SYN3: variants seen among roughly 807,000 people sequenced by gnomAD.
SYN3 encodes the protein synapsin-3.
A neutral mutation model predicts 65.8 loss-of-function variants in SYN3; 35 were observed. The ratio of observed to expected loss-of-function variants is 0.53; its 90% CI spans 0.41 to 0.70. The LOEUF is 0.70. Ranked by LOEUF, SYN3 falls within the 30% of genes least tolerant of loss-of-function variation. SYN3 has a pLI of 0.00. For synonymous variants in SYN3, 270 were observed against 292.9 expected, an observed-to-expected ratio of 0.92 and a Z score of 0.80; for missense variants, 680 against 749.0, an observed-to-expected ratio of 0.91 and a Z score of 1.08.
intron 13 of SYN3, among the ~76,000 whole-genome samples, chr22:32,515,279 T>C (rs1432084521): frequency 6.6e-6 from 1 of 152,236 alleles, no homozygotes; most frequent in African/African-American, 2.4e-5. Context: ...TTGGCTGATC[T>C]CCTTATGTGG....
chr22:32,965,183 A>G (rs1188499909), intron 3 of SYN3, among the ~76,000 whole-genome samples: 1 of 152,220 alleles, frequency 6.6e-6, no homozygotes, highest in Non-Finnish European at 1.5e-5. Context: ...TAAACTGCTT[A>G]GAGGATGGCT....
chr22:32,889,940 T>C (rs996582033), intron 4 of SYN3, among the ~76,000 whole-genome samples: 2 of 151,980 alleles, frequency 1.3e-5, no homozygotes, highest in African/African-American at 2.4e-5. Flanking sequence ...TCCATGTTTA[T>C]CAATACTTTA....
At chr22:32,651,823 T>A (rs994760557) in intron 6 of SYN3, among the ~76,000 whole-genome samples, 2 of 152,132 alleles carry the variant, frequency 1.3e-5, no homozygotes, top group Non-Finnish European at 2.9e-5. Flanking sequence ...TTCCTCCTCC[T>A]CACTTGGGCT....
intron 3 of SYN3, among the ~76,000 whole-genome samples, chr22:32,942,191 C>T (rs1035329873): frequency 1.3e-5 from 2 of 152,164 alleles, no homozygotes; most frequent in African/African-American, 4.8e-5. Flanking sequence ...CTGGGAGGCA[C>T]CCCCAAGTAG....
chr22:32,549,456 T>G (rs1403817127), intron 7 of SYN3, among the ~76,000 whole-genome samples: 1 of 152,202 alleles, frequency 6.6e-6, no homozygotes, highest in Non-Finnish European at 1.5e-5. Context: ...TCTCACCATG[T>G]TGCCCAGGCT....
intron 6 of SYN3, among the ~76,000 whole-genome samples, chr22:32,720,149 G>C (rs2061096441): frequency 6.6e-6 from 1 of 152,204 alleles, no homozygotes; most frequent in African/African-American, 2.4e-5. Context: ...TGCTTTTTGT[G>C]AGGATACACT....
chr22:32,541,824 A>G (rs549836541), intron 7 of SYN3, 111 bp from the exon 8 acceptor site: 168 of 1,289,600 alleles, frequency 1.3e-4, no homozygotes, highest in Non-Finnish European at 1.7e-4. Flanking sequence ...TCAGAAGGTC[A>G]CCTGCTGGCA....
At chr22:33,050,841 A>T (rs1276322966) in intron 1 of SYN3, among the ~76,000 whole-genome samples, 2 of 152,216 alleles carry the variant, frequency 1.3e-5, no homozygotes, top group African/African-American at 4.8e-5. Context: ...CTTGATTTGC[A>T]CATCTGCAGA....
At chr22:32,552,825 C>T (rs2058436880) in intron 7 of SYN3, among the ~76,000 whole-genome samples, 1 of 152,218 alleles carries the variant, frequency 6.6e-6, no homozygotes, top group Non-Finnish European at 1.5e-5. Flanking sequence ...TGATGATTGG[C>T]TGTTTCCTAT....
At chr22:32,902,267 T>C (rs1412176711) in intron 4 of SYN3, among the ~76,000 whole-genome samples, 1 of 152,206 alleles carries the variant, frequency 6.6e-6, no homozygotes, top group Admixed American at 6.5e-5. Context: ...TTAAAATCCA[T>C]GCAGTCCCCA....
intron 6 of SYN3, among the ~76,000 whole-genome samples, chr22:32,812,575 T>A (rs2046943919): frequency 6.6e-6 from 1 of 152,112 alleles, no homozygotes; most frequent in South Asian, 2.1e-4. Flanking sequence ...GGATTAAGAC[T>A]CAATACTCAT....
At chr22:32,596,575 T>A in intron 7 of SYN3, 99 bp downstream of exon 7, 1 of 1,247,244 alleles carries the variant, frequency 8.0e-7, no homozygotes, top group Non-Finnish European at 1.1e-6. Context: ...TCTGGGTGCC[T>A]GTGCTAAGGG....
At chr22:32,973,767 A>C (rs1249870597) in intron 3 of SYN3, among the ~76,000 whole-genome samples, 2 of 152,134 alleles carry the variant, frequency 1.3e-5, no homozygotes, top group Non-Finnish European at 2.9e-5. Context: ...CAGCTTCTTC[A>C]TCTGCTAAAA....
chr22:32,754,747 C>A (rs2045243564), intron 6 of SYN3, among the ~76,000 whole-genome samples: 1 of 152,244 alleles, frequency 6.6e-6, no homozygotes, highest in Non-Finnish European at 1.5e-5. Flanking sequence ...TCGGCACTTG[C>A]TGAAAGGGAA....
intron 6 of SYN3, among the ~76,000 whole-genome samples, chr22:32,749,259 T>C (rs973356370): frequency 1.3e-5 from 2 of 151,868 alleles, no homozygotes; most frequent in Non-Finnish European, 2.9e-5. Context: ...ATCCCATTCA[T>C]GAGGGCTCTG....
At chr22:32,892,791 G>T (rs1474696159) in intron 4 of SYN3, among the ~76,000 whole-genome samples, 1 of 152,172 alleles carries the variant, frequency 6.6e-6, no homozygotes, top group African/African-American at 2.4e-5. Flanking sequence ...GGTTATCAGG[G>T]AGGCTGCATG....
rs148018423 is a variant in SYN3 at position 32,979,868 on chromosome 22, C to T, written c.369+777G>A. 3.1e-3 allele frequency among the ~76,000 whole-genome samples: 479 copies of T among 152,180 alleles called. 2 individuals are homozygous for T. Among genetic ancestry groups the T allele is most frequent in the African/African-American group, 0.011 (445 of 41,532 alleles). ...CCAAGGTCACAAGGTTAGTAAGGGG[C>T]GGTGTTAGGATTCAAACCTGGAGTA... is the stretch of plus-strand genomic sequence containing the variant. On this transcript the variant is annotated intron_variant, in intron 3 of 13. Transcript: ENST00000358763.
At chr22:32,991,428 A>T (rs1003047015) in intron 2 of SYN3, among the ~76,000 whole-genome samples, 1 of 151,970 alleles carries the variant, frequency 6.6e-6, no homozygotes, top group South Asian at 2.1e-4. Flanking sequence ...TTGAAAATCA[A>T]TAACTCGACA....
chr22:32,580,357 A>C (rs1464791284), intron 7 of SYN3, among the ~76,000 whole-genome samples: 1 of 152,250 alleles, frequency 6.6e-6, no homozygotes, highest in African/African-American at 2.4e-5. Flanking sequence ...ATAGGTGAGT[A>C]CTATACAGCA....
Sources: allele counts gnomAD v4.1 joint callset (sites outside exome capture counted in the v4.1 genomes callset), GRCh38; gene constraint gnomAD v4.1.1; transcripts MANE v1.5; gene names NCBI Gene and HGNC (gene_info 2026-07-23, HGNC 2026-07-21).